INPP4B: variants seen among roughly 807,000 people sequenced by gnomAD.
INPP4B encodes the protein inositol polyphosphate-4-phosphatase type II B.
Under a neutral mutation model 122.5 loss-of-function variants are expected in INPP4B, and 55 were observed. That is an observed-to-expected ratio of 0.45 (90% CI 0.36 to 0.56). The LOEUF (loss-of-function observed/expected upper bound fraction) is 0.56. INPP4B is among the 20% of genes least tolerant of loss of function. The probability of loss-of-function intolerance (pLI) is 0.00; values close to 1 mark genes in which losing one functional copy is unlikely to be tolerated. For missense variants in INPP4B, 1,000 were observed against 1,097.7 expected, an observed-to-expected ratio of 0.91 and a Z score of 1.26; for synonymous variants, 403 against 388.7, an observed-to-expected ratio of 1.04 and a Z score of -0.43.
chr4:142,774,850 T>C (rs1449704500), intron 1 of INPP4B, among the ~76,000 whole-genome samples: 1 of 152,058 alleles, frequency 6.6e-6, no homozygotes, highest in African/African-American at 2.4e-5. Context: ...TTTGTCACAA[T>C]TAGTGAACCT....
chr4:142,209,783 AC>A (rs563556016), intron 12 of INPP4B, among the ~76,000 whole-genome samples: 1,284 of 67,440 alleles, frequency 0.019, 37 homozygotes, highest in African/African-American at 0.063. Flanking sequence ...ACAGAGTAAG[AC>A]CCCGTCTCAA....
intron 2 of INPP4B, among the ~76,000 whole-genome samples, chr4:142,710,141 G>A (rs917532040): frequency 6.6e-6 from 1 of 152,296 alleles, no homozygotes; most frequent in African/African-American, 2.4e-5. Flanking sequence ...AGGTCATAGA[G>A]GCAGAATAAA....
chr4:142,509,903 A>G (rs995945570), intron 2 of INPP4B, among the ~76,000 whole-genome samples: 4 of 152,220 alleles, frequency 2.6e-5, no homozygotes, highest in African/African-American at 9.6e-5. Context: ...ATATGATCAT[A>G]CAAAGCAACA....
chr4:142,825,352 T>G (rs1384364858), intron 1 of INPP4B, among the ~76,000 whole-genome samples: 1 of 152,150 alleles, frequency 6.6e-6, no homozygotes, highest in South Asian at 2.1e-4. Context: ...TTTCACTAAA[T>G]GTATTACATA....
At chr4:142,113,348 T>C (rs1426617980) in intron 21 of INPP4B, among the ~76,000 whole-genome samples, 1 of 152,016 alleles carries the variant, frequency 6.6e-6, no homozygotes, top group Non-Finnish European at 1.5e-5. Context: ...AAAACTGTCA[T>C]CTTCTGATAC....
intron 2 of INPP4B, among the ~76,000 whole-genome samples, chr4:142,714,567 T>G (rs1763527680): frequency 6.6e-6 from 1 of 152,250 alleles, no homozygotes; most frequent in Non-Finnish European, 1.5e-5. Flanking sequence ...ATAAACTTGT[T>G]GATCATTGAT....
intron 13 of INPP4B, 134 bp downstream of exon 13, chr4:142,208,762 A>G (rs1843604609): frequency 1.5e-6 from 1 of 657,266 alleles, no homozygotes. Flanking sequence ...TTAAGATGTT[A>G]AAGTTAGAAA....
In INPP4B at chr4:142,290,672, C is replaced by T. The variant is rs142814413; in HGVS notation, c.503+14786G>A. Among the ~76,000 whole-genome samples, 698 of 152,270 alleles carry T rather than the reference C, an allele frequency of 4.6e-3. 6 individuals carry two copies. Among genetic ancestry groups the T allele is most frequent in the African/African-American group, 0.016 (660 of 41,568 alleles). ...CACCACCACCATTGCCACTTCCCAA[C>T]TGATGTCTACATGGTTATTTTCTCC... is the stretch of plus-strand genomic sequence containing the variant. On this transcript the variant is annotated intron_variant, in intron 9 of 25. Coordinates refer to ENST00000262992, the MANE Select transcript of INPP4B (RefSeq NM_001101669.3).
At chr4:142,123,149 G>T (rs1378840642) in intron 20 of INPP4B, 143 bp downstream of exon 20, 1 of 616,586 alleles carries the variant, frequency 1.6e-6, no homozygotes, top group Non-Finnish European at 2.5e-6. Flanking sequence ...CAAGGTGAAT[G>T]CAAAAAACTG....
chr4:142,761,350 T>C (rs995901004), intron 1 of INPP4B, among the ~76,000 whole-genome samples: 1 of 152,154 alleles, frequency 6.6e-6, no homozygotes, highest in African/African-American at 2.4e-5. Context: ...TTTTTCCATA[T>C]TGATCTCCCC....
At chr4:142,374,188 G>C (rs2077211492) in intron 7 of INPP4B, among the ~76,000 whole-genome samples, 1 of 151,870 alleles carries the variant, frequency 6.6e-6, no homozygotes, top group Non-Finnish European at 1.5e-5. Context: ...TTATTGATAA[G>C]TAAAGTAAGG....
intron 25 of INPP4B, among the ~76,000 whole-genome samples, chr4:142,068,684 AG>A (rs1455353884): frequency 1.3e-5 from 2 of 152,200 alleles, no homozygotes; most frequent in Non-Finnish European, 2.9e-5. Flanking sequence ...TTGCCATCCT[AG>A]TCTCTGATAA....
intron 7 of INPP4B, among the ~76,000 whole-genome samples, chr4:142,399,667 T>C (rs1389702634): frequency 1.3e-5 from 2 of 152,170 alleles, no homozygotes; most frequent in African/African-American, 2.4e-5. Flanking sequence ...AGATATCAAC[T>C]TTACTATACG....
At chr4:142,528,333 G>A (rs894498223) in intron 2 of INPP4B, among the ~76,000 whole-genome samples, 1 of 152,032 alleles carries the variant, frequency 6.6e-6, no homozygotes, top group South Asian at 2.1e-4. Flanking sequence ...TGGGGCGAGA[G>A]TCATCTTAAG....
At chr4:142,227,856 T>TAAAAA (rs60375355) in intron 12 of INPP4B, among the ~76,000 whole-genome samples, 6 of 34,204 alleles carry the variant, frequency 1.8e-4, no homozygotes, top group South Asian at 1.4e-3. Context: ...AGACTCTATC[T>TAAAAA]AAAAAAAAAA....
chr4:142,637,738 T>A (rs1348354803), intron 2 of INPP4B, among the ~76,000 whole-genome samples: 2 of 152,234 alleles, frequency 1.3e-5, no homozygotes, highest in African/African-American at 4.8e-5. Flanking sequence ...CTGGATCTTA[T>A]GGTAAGAGTA....
At chr4:142,626,708 G>T (rs999631111) in intron 2 of INPP4B, among the ~76,000 whole-genome samples, 3 of 151,964 alleles carry the variant, frequency 2.0e-5, no homozygotes, top group African/African-American at 7.3e-5. Context: ...TACTGAGTTT[G>T]TAAGAATTTG....
rs749719033 is a variant in INPP4B, at chr4:142,122,238, T to G, written c.2025A>C (p.Glu675Asp). ...CGGCCATGTCCTCTAGCATTCCAATTTCATCGCCTAAACAATAGAAAAGGC... is the reference window on the plus strand; with the variant it reads ...CGGCCATGTCCTCTAGCATTCCAATGTCATCGCCTAAACAATAGAAAAGGC... Reference protein sequence around the residue: ...YEGLLSTYSDEIGMLEDMAVG... With the variant: ...YEGLLSTYSDDIGMLEDMAVG... Residue 675 changes from glutamate (E) to aspartate (D), a missense_variant, in exon 21 of 26, where the codon GAA (glutamate) becomes GAC (aspartate). Transcript: ENST00000262992. 6.2e-7 allele frequency: 1 copy of G among 1,609,050 alleles called. No individual in the cohort carries two copies. Among genetic ancestry groups the G allele is most frequent in the South Asian group, 1.1e-5 (1 of 90,308 alleles).
intron 14 of INPP4B, among the ~76,000 whole-genome samples, chr4:142,202,408 G>A (rs1191915668): frequency 6.6e-6 from 1 of 152,044 alleles, no homozygotes; most frequent in Non-Finnish European, 1.5e-5. Context: ...GGCAGGAATT[G>A]CAAAAGCCTT....
Sources: allele counts gnomAD v4.1 joint callset (sites outside exome capture counted in the v4.1 genomes callset), GRCh38; gene constraint gnomAD v4.1.1; transcripts MANE v1.5; gene names NCBI Gene and HGNC (gene_info 2026-07-23, HGNC 2026-07-21).